RYR2: variants seen among roughly 807,000 people sequenced by gnomAD.
The protein encoded by RYR2 is ryanodine receptor 2.
Under a neutral mutation model 601.1 loss-of-function variants are expected in RYR2, and 227 were observed. The ratio of observed to expected loss-of-function variants is 0.38; its 90% confidence interval spans 0.34 to 0.42. The LOEUF (loss-of-function observed/expected upper bound fraction) is 0.42. RYR2 is among the 10% of genes least tolerant of loss of function. The pLI, the probability that RYR2 is intolerant of heterozygous loss-of-function variation, is 1.00. For missense variants in RYR2, 4,646 were observed against 6,156.5 expected (o/e 0.75, Z 8.21); for synonymous variants, 2,223 against 2,175.1 (o/e 1.02, Z -0.61).
Position 237,828,691 on chromosome 1 carries a change from A to G in RYR2, c.14655+246A>G, listed in dbSNP as rs139233716. Among the ~76,000 whole-genome samples, 296 of 152,290 alleles carry G rather than the reference A, an allele frequency of 1.9e-3. 2 individuals are homozygous for G. In the East Asian group the frequency reaches 0.031, roughly 16 times the overall value. On this transcript the variant is annotated intron_variant, in intron 102 of 104. Coordinates refer to ENST00000366574, the MANE Select transcript of RYR2 (RefSeq NM_001035.3). Reference sequence around the variant, plus strand: ...CCATCCTTTCCCTCCAGAAGTGGAGAGACTATTCATTCGAAACCAAAGATT... The same window carrying G: ...CCATCCTTTCCCTCCAGAAGTGGAGGGACTATTCATTCGAAACCAAAGATT...
chr1:237,246,533 C>T (rs538924792), intron 1 of RYR2, among the ~76,000 whole-genome samples: 2 of 152,176 alleles, frequency 1.3e-5, no homozygotes, highest in African/African-American at 4.8e-5. Context: ...AACTCCTGGG[C>T]TCAAGCAATC....
intron 22 of RYR2, among the ~76,000 whole-genome samples, chr1:237,504,502 C>G (rs1419127022): frequency 1.3e-5 from 2 of 152,170 alleles, no homozygotes; most frequent in Non-Finnish European, 2.9e-5. Context: ...ATTTTTACTT[C>G]TTTTGTGGAT....
chr1:237,454,635 T>C, intron 15 of RYR2, 61 bp downstream of exon 15: 14 of 1,539,886 alleles, frequency 9.1e-6, no homozygotes, highest in Non-Finnish European at 1.2e-5. Context: ...AGCTTCTTGG[T>C]TGGGAAAATT....
intron 1 of RYR2, among the ~76,000 whole-genome samples, chr1:237,083,524 T>C (rs760791372): frequency 4.3e-4 from 66 of 152,190 alleles, no homozygotes; most frequent in South Asian, 3.5e-3. Context: ...TCTGCTTGTG[T>C]TGGTGTATGA....
In RYR2 at chr1:237,147,837, G is replaced by A. The variant is rs78000350; in HGVS notation, c.48+105268G>A. ...ATCTAGCAAAGTCCAAGCGAGTATA[G>A]TTTCTGCAAAAGCTTCTTATGTTGG... On this transcript the variant is annotated intron_variant, in intron 1 of 104. Transcript: ENST00000366574. Among the ~76,000 whole-genome samples the A allele has an allele frequency of 2.0e-3, 299 of 152,340 alleles. 1 individual carries two copies. Among genetic ancestry groups the A allele is most frequent in the Middle Eastern group, 0.01 (3 of 294 alleles).
intron 61 of RYR2, 110 bp from the exon 62 acceptor site, chr1:237,680,346 A>T: frequency 1.3e-6 from 1 of 795,344 alleles, no homozygotes; most frequent in Non-Finnish European, 2.0e-6. Flanking sequence ...CATGGACATA[A>T]GGAGACCTGT....
At position 237,383,417 on chromosome 1, in the gene RYR2, G is replaced by GTT. The variant is rs10567644; in HGVS notation, c.577-3835_577-3834dup. ...TTTACATTTTCTTTTCTTTTTTCTTGTTTTTTTTTTTTTTTTTTTTTTTTT... is the reference window on the plus strand; with the variant it reads ...TTTACATTTTCTTTTCTTTTTTCTTGTTTTTTTTTTTTTTTTTTTTTTTTTTT... On this transcript the variant is annotated intron_variant, in intron 8 of 104. Coordinates refer to ENST00000366574, the MANE Select transcript of RYR2 (RefSeq NM_001035.3). Among the ~76,000 whole-genome samples, 481 of 50,574 alleles carry GTT rather than the reference G, an allele frequency of 9.5e-3. 111 individuals are homozygous for GTT. Among genetic ancestry groups the GTT allele is most frequent in the Non-Finnish European group, 0.012 (323 of 26,516 alleles). The allele number at this position is 50,574 out of a possible 152,430, so 33.2% of individuals were successfully genotyped here. A position where few individuals can be genotyped will look rare whatever the true frequency, so the allele number is the denominator to read the frequency against.
intron 1 of RYR2, among the ~76,000 whole-genome samples, chr1:237,171,772 C>T (rs545941439): frequency 1.3e-5 from 2 of 152,290 alleles, no homozygotes; most frequent in East Asian, 3.9e-4. Flanking sequence ...TCATTGCTTC[C>T]TATTTTTGCC....
At chr1:237,476,424 C>T (rs572475136) in intron 17 of RYR2, among the ~76,000 whole-genome samples, 10 of 144,088 alleles carry the variant, frequency 6.9e-5, no homozygotes, top group South Asian at 2.2e-4. Flanking sequence ...GCAGGAGAAT[C>T]GCTTGAACCT....
rs745511565 is a variant in RYR2, at chr1:237,566,592, C to T, written c.3240C>T (p.Gly1080=). ...DHAARAEVCS[G]TGERFRIFRA... The stretch of plus-strand genomic sequence containing the variant: ...CAGCCAGAGCCGAAGTGTGCAGCGG[C>T]ACCGGGGAAAGGTTCCGAATCTTCC... Residue 1080 remains glycine (G), a synonymous_variant, in exon 28 of 105, where the codon GGC becomes GGT. Transcript: ENST00000366574. 24 of 1,613,822 alleles carry T rather than the reference C, an allele frequency of 1.5e-5. No individual in the cohort carries two copies. Among genetic ancestry groups the T allele is most frequent in the Non-Finnish European group, 1.9e-5 (23 of 1,179,870 alleles).
At position 237,828,237 on chromosome 1, in the gene RYR2, G is replaced by A. The variant is rs1663385446; in HGVS notation, c.14591-144G>A. The A allele has an allele frequency of 5.4e-6, 3 of 558,954 alleles. No homozygotes were observed. In the East Asian group the frequency reaches 8.5e-5, roughly 16 times the overall value. The allele number at this position is 558,954 out of a possible 1,614,324, so 34.6% of individuals were successfully genotyped here. On this transcript the variant is annotated intron_variant, in intron 101 of 104. Transcript: ENST00000366574. ...GAACACCGCCTCCTTTCTCCTAGGA[G>A]TATCGGATATGTAGTCACGTTTACC...
intron 1 of RYR2, among the ~76,000 whole-genome samples, chr1:237,259,451 T>C (rs1295070233): frequency 6.7e-6 from 1 of 150,062 alleles, no homozygotes; most frequent in East Asian, 2.0e-4. Context: ...GAGGTTGCAG[T>C]GAGTGAGTCA....
chr1:237,108,659 G>T (rs985571818), intron 1 of RYR2, among the ~76,000 whole-genome samples: 13 of 152,192 alleles, frequency 8.5e-5, no homozygotes, highest in African/African-American at 2.7e-4. Flanking sequence ...GTGTGTAGGG[G>T]CGTGGAGGCT....
intron 88 of RYR2, among the ~76,000 whole-genome samples, chr1:237,781,319 C>CT (rs2149344085): frequency 6.6e-6 from 1 of 152,322 alleles, no homozygotes; most frequent in South Asian, 2.1e-4. Flanking sequence ...CAAAGAAGTG[C>CT]TAGGATTACA....
chr1:237,053,764 A>G (rs995633688), intron 1 of RYR2, among the ~76,000 whole-genome samples: 1 of 152,182 alleles, frequency 6.6e-6, no homozygotes, highest in African/African-American at 2.4e-5. Context: ...CACAGTGGAC[A>G]TAACAATCAG....
chr1:237,798,801 C>CACACACACACACACACACACAT (rs3835529), intron 97 of RYR2, among the ~76,000 whole-genome samples: 171 of 148,390 alleles, frequency 1.2e-3, no homozygotes, highest in African/African-American at 3.0e-3. Context: ...CACACACACA[C>CACACACACACACACACACACAT]ATATAGTGTG....
At chr1:237,044,071 A>G (rs1459722456) in intron 1 of RYR2, among the ~76,000 whole-genome samples, 1 of 152,190 alleles carries the variant, frequency 6.6e-6, no homozygotes, top group Non-Finnish European at 1.5e-5. Context: ...TGCTTTTTGA[A>G]GTACTGTTGG....
rs751390605 is a variant in RYR2 at position 237,637,384 on chromosome 1, C to T, written c.6793-973C>T. Reference sequence around the variant, plus strand: ...TGAAATATTGTAGAGGACTAACATTCGTATAAAACAAAAATATTTTAAGAG... The same window carrying T: ...TGAAATATTGTAGAGGACTAACATTTGTATAAAACAAAAATATTTTAAGAG... On this transcript the variant is annotated intron_variant, in intron 44 of 104. Transcript: ENST00000366574. Among the ~76,000 whole-genome samples, 14 of 152,070 alleles carry T rather than the reference C, an allele frequency of 9.2e-5. No homozygotes were observed. In the East Asian group the frequency reaches 9.7e-4, roughly 11 times the overall value.
At chr1:237,338,432 A>G (rs1572650079) in intron 3 of RYR2, among the ~76,000 whole-genome samples, 1 of 152,316 alleles carries the variant, frequency 6.6e-6, no homozygotes, top group Non-Finnish European at 1.5e-5. Context: ...TATTGCATGC[A>G]TAGTAGACAC....
Sources: gnomAD v4.1 joint callset for allele counts (sites outside exome capture counted in the v4.1 genomes callset) on GRCh38, gnomAD v4.1.1 for gene constraint, MANE v1.5 for transcripts, NCBI Gene and HGNC (gene_info 2026-07-23, HGNC 2026-07-21) for gene names.